Variants in CDK6 observed in about 807,000 individuals in gnomAD.
CDK6 encodes cyclin-dependent kinase 6.
CDK6 carries 6 observed loss-of-function variants against 37.1 expected under a neutral mutation model. That is an observed-to-expected ratio of 0.16 (90% CI 0.09 to 0.32). CDK6 has a LOEUF of 0.32. Ranked by LOEUF, CDK6 falls within the 10% of genes least tolerant of loss-of-function variation. The pLI is 1.00. For synonymous variants in CDK6, 160 were observed against 161.3 expected (o/e 0.99, Z 0.06); for missense variants, 224 against 418.9 (o/e 0.53, Z 4.06).
At chr7:92,778,946 T>TATATAAAA (rs1479181745) in intron 2 of CDK6, among the ~76,000 whole-genome samples, 12 of 134,994 alleles carry the variant, frequency 8.9e-5, no homozygotes, top group African/African-American at 3.3e-4. Context: ...TATATATATA[T>TATATAAAA]AAGATATTAT....
chr7:92,738,880 C>A (rs1202408699), intron 3 of CDK6, among the ~76,000 whole-genome samples: 1 of 152,136 alleles, frequency 6.6e-6, no homozygotes, highest in East Asian at 1.9e-4. Flanking sequence ...CCTGGCCCAC[C>A]TAAAACCCCC....
At chr7:92,712,159 CAA>C (rs1422096624) in intron 4 of CDK6, among the ~76,000 whole-genome samples, 7 of 129,000 alleles carry the variant, frequency 5.4e-5, no homozygotes, top group Admixed American at 7.9e-5. Flanking sequence ...GACTCCGTCC[CAA>C]AAAAAAAAAA....
intron 2 of CDK6, among the ~76,000 whole-genome samples, chr7:92,812,617 G>A (rs1454697944): frequency 1.3e-5 from 2 of 151,940 alleles, no homozygotes; most frequent in African/African-American, 2.4e-5. Flanking sequence ...GTAGAAATGA[G>A]GTCTCACTAC....
intron 2 of CDK6, among the ~76,000 whole-genome samples, chr7:92,831,119 G>A (rs1801468091): frequency 6.6e-6 from 1 of 152,152 alleles, no homozygotes; most frequent in South Asian, 2.1e-4. Flanking sequence ...CAATGCCTTT[G>A]TCTTCAGTTC....
intron 2 of CDK6, among the ~76,000 whole-genome samples, chr7:92,814,652 A>G (rs1030146309): frequency 6.6e-6 from 1 of 151,956 alleles, no homozygotes; most frequent in African/African-American, 2.4e-5. Context: ...CCTATCACAA[A>G]TATTTGCCTC....
intron 3 of CDK6, among the ~76,000 whole-genome samples, chr7:92,754,294 C>A (rs1172735386): frequency 1.3e-5 from 2 of 152,186 alleles, no homozygotes; most frequent in Non-Finnish European, 2.9e-5. Context: ...TTTAGATGAA[C>A]ATCAGCTCAT....
chr7:92,829,373 C>T (rs552819534), intron 2 of CDK6, among the ~76,000 whole-genome samples: 128 of 152,226 alleles, frequency 8.4e-4, no homozygotes, highest in African/African-American at 3.0e-3. Flanking sequence ...ATTTGAATTG[C>T]TTTTACTGTT....
At chr7:92,720,931 A>T (rs1384644327) in intron 4 of CDK6, among the ~76,000 whole-genome samples, 1 of 152,118 alleles carries the variant, frequency 6.6e-6, no homozygotes, top group Non-Finnish European at 1.5e-5. Flanking sequence ...ACATGTCATG[A>T]TTTTTACCTA....
intron 3 of CDK6, among the ~76,000 whole-genome samples, chr7:92,770,229 G>C (rs753019061): frequency 1.3e-5 from 2 of 150,426 alleles, no homozygotes; most frequent in Non-Finnish European, 2.9e-5. Flanking sequence ...TGTCAACCAA[G>C]AATGGATGCA....
intron 3 of CDK6, 115 bp from the exon 4 acceptor site, chr7:92,725,908 T>C: frequency 1.2e-6 from 1 of 842,062 alleles, no homozygotes; most frequent in Non-Finnish European, 1.9e-6. Context: ...GGCAGGCATT[T>C]GACAGGTATT....
At chr7:92,687,177 C>A (rs1797476618) in intron 4 of CDK6, among the ~76,000 whole-genome samples, 1 of 152,186 alleles carries the variant, frequency 6.6e-6, no homozygotes, top group Admixed American at 6.6e-5. Flanking sequence ...AGAGACGAAG[C>A]AGATTCCTAC....
In CDK6 at chr7:92,789,201, C is replaced by T. The variant is rs542483244; in HGVS notation, c.234-14370G>A. On this transcript the variant is annotated intron_variant, in intron 2 of 7. Transcript: ENST00000424848. ...GAATTCTATATCTGGCAGAACCATC[C>T]TTCAAAGATGAAGGCAAAATTAAGA... 1.5e-3 allele frequency among the ~76,000 whole-genome samples: 231 copies of T among 152,238 alleles called. 2 individuals are homozygous for T. The highest frequency in any genetic ancestry group is 5.1e-3 in the African/African-American group (212 of 41,546).
At chr7:92,826,780 G>A (rs1338545783) in intron 2 of CDK6, among the ~76,000 whole-genome samples, 1 of 152,140 alleles carries the variant, frequency 6.6e-6, no homozygotes, top group East Asian at 1.9e-4. Flanking sequence ...AATAGTCCAA[G>A]ATACTTGCTA....
chr7:92,786,230 G>A (rs781073970), intron 2 of CDK6, among the ~76,000 whole-genome samples: 14 of 152,152 alleles, frequency 9.2e-5, no homozygotes, highest in Non-Finnish European at 1.6e-4. Flanking sequence ...AAGACTGTCT[G>A]CTGTGTCTTA....
chr7:92,669,761 G>A (rs1214305686), intron 5 of CDK6, among the ~76,000 whole-genome samples: 1 of 152,200 alleles, frequency 6.6e-6, no homozygotes, highest in Non-Finnish European at 1.5e-5. Context: ...TCTCAAGGGA[G>A]AGGCCTGGGA....
At chr7:92,755,017 A>C (rs533356215) in intron 3 of CDK6, among the ~76,000 whole-genome samples, 1 of 152,212 alleles carries the variant, frequency 6.6e-6, no homozygotes, top group East Asian at 1.9e-4. Context: ...CTCAGCAAAA[A>C]CATAAAAACG....
rs1377511691 is a variant in CDK6 at position 92,835,959 on chromosome 7, T to A, written c.-368+519A>T. Reference sequence around the variant, plus strand: ...TAACACGCCCGCAGGAAGCCTGCGTTAACATTTATCTCGTGGAGGGGAAGG... The same window carrying A: ...TAACACGCCCGCAGGAAGCCTGCGTAAACATTTATCTCGTGGAGGGGAAGG... On this transcript the variant is annotated intron_variant, in intron 1 of 7. Transcript: ENST00000424848. The surrounding 1 kb of genome is among the most constrained non-coding windows in gnomAD (Gnocchi z 4.2). 1.3e-5 allele frequency among the ~76,000 whole-genome samples: 2 copies of A among 152,248 alleles called. No homozygotes were observed. The highest frequency in any genetic ancestry group is 3.8e-4 in the East Asian group (2 of 5,200).
At chr7:92,781,942 C>T (rs1800003461) in intron 2 of CDK6, among the ~76,000 whole-genome samples, 1 of 152,198 alleles carries the variant, frequency 6.6e-6, no homozygotes, top group Admixed American at 6.5e-5. Context: ...ACTGTATTCT[C>T]TTTTTTGCTC....
chr7:92,673,988 C>T (rs1585388656), intron 4 of CDK6, among the ~76,000 whole-genome samples: 1 of 151,938 alleles, frequency 6.6e-6, no homozygotes, highest in East Asian at 1.9e-4. Context: ...CCATGTTGCT[C>T]AGGCTGGTCT....
Sources: allele counts gnomAD v4.1 joint callset (sites outside exome capture counted in the v4.1 genomes callset), GRCh38; gene constraint gnomAD v4.1.1; non-coding constraint Gnocchi (gnomAD v3.1); transcripts MANE v1.5; gene names NCBI Gene and HGNC (gene_info 2026-07-23, HGNC 2026-07-21).